DSC3: variants seen among roughly 807,000 people sequenced by gnomAD.
DSC3 encodes desmocollin-3.
A neutral mutation model predicts 89.5 loss-of-function variants in DSC3; 97 were observed. The ratio of observed to expected loss-of-function variants is 1.08; its 90% CI spans 0.92 to 1.28. The LOEUF (loss-of-function observed/expected upper bound fraction) is 1.28, where lower values mean the gene tolerates loss of function less well. Among genes scored for constraint, DSC3 ranks in the 50% most tolerant of loss-of-function variants. The probability of loss-of-function intolerance (pLI) is 0.00; values close to 1 mark genes in which losing one functional copy is unlikely to be tolerated. For synonymous variants in DSC3, 436 were observed against 384.1 expected (o/e 1.14, Z -1.58); for missense variants, 1,199 against 1,085.3 (o/e 1.10, Z -1.47).
chr18:31,019,501 C>G (rs1169640292), intron 7 of DSC3, among the ~76,000 whole-genome samples: 1 of 152,166 alleles, frequency 6.6e-6, no homozygotes. Flanking sequence ...TCATCTAAAA[C>G]AGGTGGCTTA....
intron 4 of DSC3, among the ~76,000 whole-genome samples, chr18:31,029,300 A>G (rs1192240852): frequency 6.6e-6 from 1 of 152,226 alleles, no homozygotes; most frequent in African/African-American, 2.4e-5. Flanking sequence ...AAATAAATGA[A>G]TAAACAAATA....
chr18:31,016,250 C>A (rs1003156455), intron 9 of DSC3, among the ~76,000 whole-genome samples: 2 of 152,120 alleles, frequency 1.3e-5, no homozygotes, highest in African/African-American at 2.4e-5. Context: ...AGTGAGCAGC[C>A]CTGCTCTGTC....
In DSC3 at chr18:31,025,626, C is replaced by T. The variant is rs572633647; in HGVS notation, c.630+134G>A. ...TGACCAAGTATTCCAAAATGTTGCA[C>T]ATTCTATTTCCCATTGACTCTAAGA... On this transcript the variant is annotated intron_variant, in intron 5 of 15. Coordinates refer to ENST00000360428, the MANE Select transcript of DSC3 (RefSeq NM_001941.5). The T allele has an allele frequency of 6.3e-6, 6 of 957,206 alleles. No individual in the cohort carries two copies. In the East Asian group the frequency reaches 1.5e-4, roughly 24 times the overall value. 59.3% of individuals were successfully genotyped at this position (957,206 alleles called of 1,614,324 possible). A position where few individuals can be genotyped will look rare whatever the true frequency, so the allele number is the denominator to read the frequency against.
chr18:31,004,259 C>T lies in DSC3; in HGVS notation c.1996G>A (p.Val666Ile), dbSNP rs1321282642. The T allele has an allele frequency of 5.0e-6, 8 of 1,613,864 alleles. No homozygotes were observed. Among genetic ancestry groups the T allele is most frequent in the Non-Finnish European group, 5.9e-6 (7 of 1,179,920 alleles). ...AGQAATKLLR[V>I]NLCECTHPTQ... ...GGATGAGTACATTCACACAGATTAA[C>T]TCTCAATAATTTTGTTGCAGCTTGG... The change falls in exon 13 of 16, where the codon GTT (valine) becomes ATT (isoleucine). Residue 666 changes from valine to isoleucine, a missense_variant. Physicochemically the swap from Val to Ile is conservative, Grantham distance 29. Coordinates refer to ENST00000360428, the MANE Select transcript of DSC3 (RefSeq NM_001941.5).
At position 31,022,380 on chromosome 18, in the gene DSC3, T is replaced by C; in HGVS notation, c.898A>G (p.Ser300Gly). The C allele has an allele frequency of 1.2e-6, 2 of 1,614,058 alleles. No individual in the cohort carries two copies. The highest frequency in any genetic ancestry group is 1.7e-6 in the Non-Finnish European group (2 of 1,179,962). Residue 300 changes from serine to glycine, a missense_variant, in exon 7 of 16, where the codon AGC (serine) becomes GGC (glycine). Coordinates refer to ENST00000360428, the MANE Select transcript of DSC3 (RefSeq NM_001941.5). Reference sequence around the variant, plus strand: ...GAGACTGTGGTGATTACGCCTGTGCTGGGATGCACAGAAAAGAGCCCAGGT... The same window carrying C: ...GAGACTGTGGTGATTACGCCTGTGCCGGGATGCACAGAAAAGAGCCCAGGT... ...RSPGLFSVHP[S>G]TGVITTVSHY...
chr18:31,021,941 T>C (rs1401081638), intron 7 of DSC3, among the ~76,000 whole-genome samples: 1 of 152,092 alleles, frequency 6.6e-6, no homozygotes, highest in Admixed American at 6.6e-5. Context: ...AATCCTTTCC[T>C]CACTAAAAGT....
intron 6 of DSC3, among the ~76,000 whole-genome samples, chr18:31,023,196 C>T (rs2144717742): frequency 6.6e-6 from 1 of 152,182 alleles, no homozygotes; most frequent in South Asian, 2.1e-4. Flanking sequence ...AAGCATACCC[C>T]ATTGCTAATT....
At chr18:31,039,067 A>T (rs1169360560) in intron 1 of DSC3, among the ~76,000 whole-genome samples, 1 of 151,976 alleles carries the variant, frequency 6.6e-6, no homozygotes, top group Non-Finnish European at 1.5e-5. Context: ...GATATTTTAT[A>T]ATAAAAATAA....
At chr18:30,994,541 C>A (rs1175184724) in intron 15 of DSC3, 169 bp from the exon 16 acceptor site, 1 of 1,470,042 alleles carries the variant, frequency 6.8e-7, no homozygotes, top group Admixed American at 1.7e-5. Context: ...CACAACCATA[C>A]CATAAAGTCA....
Position 30,991,387 on chromosome 18 carries a change from A to G in DSC3, c.*2788T>C, listed in dbSNP as rs958892284. The G allele has an allele frequency of 6.6e-6, 1 of 152,670 alleles. No homozygotes were observed. The highest frequency in any genetic ancestry group is 1.5e-5 in the Non-Finnish European group (1 of 68,042). 9.5% of individuals were successfully genotyped at this position (152,670 alleles called of 1,614,324 possible). A position where few individuals can be genotyped will look rare whatever the true frequency, so the allele number is the denominator to read the frequency against. On this transcript the variant is annotated 3_prime_UTR_variant, in exon 16 of 16. Coordinates refer to ENST00000360428, the MANE Select transcript of DSC3 (RefSeq NM_001941.5). ...AATTTCACCTTACACATATAAGGAAATAATAATACTACATATGTGAAAATA... is the reference window on the plus strand; with the variant it reads ...AATTTCACCTTACACATATAAGGAAGTAATAATACTACATATGTGAAAATA...
At chr18:31,027,221 C>A (rs560443490) in intron 4 of DSC3, among the ~76,000 whole-genome samples, 3 of 152,166 alleles carry the variant, frequency 2.0e-5, no homozygotes, top group East Asian at 1.9e-4. Flanking sequence ...CGAAAATAAA[C>A]CAAAACCTCC....
intron 1 of DSC3, among the ~76,000 whole-genome samples, chr18:31,040,511 TG>T (rs1359848263): frequency 6.6e-6 from 1 of 152,182 alleles, no homozygotes. Context: ...TTTTTTTCTT[TG>T]TGCGTGTGAT....
At position 31,029,280 on chromosome 18, in the gene DSC3, A is replaced by G. The variant is rs79249476; in HGVS notation, c.474+229T>C. ...GCAGGATATAGTTAAGTGCTCAGTA[A>G]CTCCCTGCTAAATAAATGAATAAAC... is the stretch of plus-strand genomic sequence containing the variant. On this transcript the variant is annotated intron_variant, in intron 4 of 15. Coordinates refer to ENST00000360428, the MANE Select transcript of DSC3 (RefSeq NM_001941.5). Among the ~76,000 whole-genome samples the G allele has an allele frequency of 4.9e-3, 744 of 152,246 alleles. 7 individuals are homozygous for G. The highest frequency in any genetic ancestry group is 0.017 in the African/African-American group (700 of 41,566).
chr18:30,995,197 A>G (rs755474312), intron 15 of DSC3, among the ~76,000 whole-genome samples: 27 of 152,068 alleles, frequency 1.8e-4, no homozygotes, highest in Non-Finnish European at 3.4e-4. Flanking sequence ...CTCCTTGCCT[A>G]TGTGGAGTTC....
chr18:31,014,359 T>C (rs908028119), intron 9 of DSC3, among the ~76,000 whole-genome samples: 1 of 152,144 alleles, frequency 6.6e-6, no homozygotes, highest in African/African-American at 2.4e-5. Context: ...AAAATACCTT[T>C]TGAATAATAC....
chr18:31,018,370 A>C, intron 8 of DSC3, 114 bp from the exon 9 acceptor site: 4 of 839,876 alleles, frequency 4.8e-6, no homozygotes, highest in Non-Finnish European at 7.2e-6. Context: ...AGATTATTTT[A>C]AAACTATGAA....
At chr18:31,027,811 C>T (rs1317151407) in intron 4 of DSC3, among the ~76,000 whole-genome samples, 1 of 152,098 alleles carries the variant, frequency 6.6e-6, no homozygotes, top group Non-Finnish European at 1.5e-5. Flanking sequence ...GCCCTACGGA[C>T]AATTCTGAAA....
At chr18:31,032,004 T>A (rs1985805692) in intron 2 of DSC3, among the ~76,000 whole-genome samples, 188 bp downstream of exon 2, 1 of 152,084 alleles carries the variant, frequency 6.6e-6, no homozygotes, top group African/African-American at 2.4e-5. Flanking sequence ...AATAAACATC[T>A]TCAGGGCTGA....
intron 1 of DSC3, among the ~76,000 whole-genome samples, chr18:31,033,030 G>C (rs1231211410): frequency 6.6e-6 from 1 of 151,998 alleles, no homozygotes; most frequent in Non-Finnish European, 1.5e-5. Context: ...CACTAGCATT[G>C]AAAAATTTGA....
Sources: allele counts gnomAD v4.1 joint callset (sites outside exome capture counted in the v4.1 genomes callset), GRCh38; gene constraint gnomAD v4.1.1; transcripts MANE v1.5; gene names NCBI Gene and HGNC (gene_info 2026-07-23, HGNC 2026-07-21).